CCNY: variants seen among roughly 807,000 people sequenced by gnomAD.
CCNY encodes cyclin-Y.
A neutral mutation model predicts 42.8 loss-of-function variants in CCNY; 19 were observed. That is an observed-to-expected ratio of 0.44 (90% confidence interval 0.31 to 0.65). The LOEUF is 0.65. Among genes scored for constraint, CCNY ranks in the 30% least tolerant of loss-of-function variants. The pLI, the probability that CCNY is intolerant of heterozygous loss-of-function variation, is 0.07. For missense variants in CCNY, 370 were observed against 437.3 expected, an observed-to-expected ratio of 0.85 and a Z score of 1.37; for synonymous variants, 165 against 162.7, an observed-to-expected ratio of 1.01 and a Z score of -0.11.
chr10:35,485,740 C>CAA (rs78533663), intron 2 of CCNY, among the ~76,000 whole-genome samples: 1 of 114,648 alleles, frequency 8.7e-6, no homozygotes, highest in African/African-American at 3.3e-5. Context: ...AAAAAAAAAA[C>CAA]AAAAAAAAAA....
intron 2 of CCNY, among the ~76,000 whole-genome samples, chr10:35,498,724 C>T (rs925943382): frequency 1.3e-5 from 2 of 152,142 alleles, no homozygotes; most frequent in Non-Finnish European, 2.9e-5. Flanking sequence ...AGAAGCAAGT[C>T]GGCCATAGAG....
upstream of CCNY, among the ~76,000 whole-genome samples, chr10:35,334,488 G>A (rs939713850): frequency 4.6e-5 from 7 of 152,154 alleles, no homozygotes; most frequent in South Asian, 2.1e-4. Context: ...ACACATGCAA[G>A]TGTAAATATG....
intron 1 of CCNY, among the ~76,000 whole-genome samples, chr10:35,438,306 G>A (rs1838585155): frequency 6.7e-6 from 1 of 149,730 alleles, no homozygotes; most frequent in East Asian, 2.0e-4. Context: ...ACACCACCAT[G>A]CCTGACTAAT....
intron 2 of CCNY, among the ~76,000 whole-genome samples, chr10:35,486,706 C>T (rs1839795319): frequency 6.6e-6 from 1 of 152,358 alleles, no homozygotes; most frequent in Non-Finnish European, 1.5e-5. Context: ...CCAGCCTCTG[C>T]CTTCCTTCCC....
chr10:35,337,334 C>G (rs868807946), intron 1 of CCNY, 127 bp downstream of exon 1: 3 of 1,009,912 alleles, frequency 3.0e-6, no homozygotes, highest in Non-Finnish European at 4.0e-6. Context: ...CGGGGCTTCG[C>G]CCGCGCAGCC....
rs1054579601 is a variant in CCNY at position 35,336,888 on chromosome 10, C to A, written c.-166C>A. On this transcript the variant is annotated 5_prime_UTR_variant, in exon 1 of 10. Coordinates refer to ENST00000374704, the MANE Select transcript of CCNY (RefSeq NM_145012.6). ...CGCCCATGGCGAGGCCCCGCCGCCG[C>A]CGCCGCTGCTGACCCGGCGGCCGGC... The A allele has an allele frequency of 3.8e-5, 8 of 213,066 alleles. No homozygotes were observed. The highest frequency in any genetic ancestry group is 6.0e-5 in the Non-Finnish European group (8 of 132,606). 13.2% of individuals were successfully genotyped at this position (213,066 alleles called of 1,614,324 possible). A position where few individuals can be genotyped will look rare whatever the true frequency, so the allele number is the denominator to read the frequency against.
At chr10:35,443,135 G>C (rs1207177651) in intron 1 of CCNY, among the ~76,000 whole-genome samples, 3 of 152,148 alleles carry the variant, frequency 2.0e-5, no homozygotes, top group African/African-American at 7.2e-5. Flanking sequence ...AGTTGCTCTG[G>C]GTGAGTTAGC....
intron 1 of CCNY, among the ~76,000 whole-genome samples, chr10:35,373,609 A>G (rs774922829): frequency 7.9e-5 from 12 of 152,092 alleles, no homozygotes; most frequent in Non-Finnish European, 1.6e-4. Flanking sequence ...CTTCTTCCTC[A>G]TCTTCCTTCA....
chr10:35,362,007 A>T (rs974065171), intron 1 of CCNY, among the ~76,000 whole-genome samples: 44 of 152,226 alleles, frequency 2.9e-4, no homozygotes, highest in African/African-American at 9.9e-4. Flanking sequence ...TGTTTCATGC[A>T]CAAAATAAAA....
At chr10:35,373,828 A>T (rs1041478806) in intron 1 of CCNY, among the ~76,000 whole-genome samples, 5 of 152,298 alleles carry the variant, frequency 3.3e-5, no homozygotes, top group African/African-American at 1.2e-4. Flanking sequence ...CTATTAGTTA[A>T]GTTTTTGGGG....
In CCNY at chr10:35,260,654, C is replaced by A. The variant is rs563115308; in HGVS notation, c.-9+10028C>A. 5.9e-5 allele frequency among the ~76,000 whole-genome samples: 9 copies of A among 152,302 alleles called. No homozygotes were observed. The South Asian group carries it at 1.9e-3, about 32-fold the overall frequency. On this transcript the variant is annotated intron_variant, in intron 3 of 11. Transcript: ENST00000374706. ...CATTTGATGTGGTTTAGAATAACTGCCCAGTTAACATTGCCAGGCAGGGAC... is the reference window on the plus strand; with the variant it reads ...CATTTGATGTGGTTTAGAATAACTGACCAGTTAACATTGCCAGGCAGGGAC...
intron 1 of CCNY, among the ~76,000 whole-genome samples, chr10:35,426,313 C>T (rs1838273394): frequency 6.6e-6 from 1 of 152,138 alleles, no homozygotes. Context: ...TCTCTGCAAA[C>T]ATGCTGTGTT....
At chr10:35,520,145 C>T (rs908834229) in intron 4 of CCNY, among the ~76,000 whole-genome samples, 7 of 152,140 alleles carry the variant, frequency 4.6e-5, no homozygotes, top group African/African-American at 7.2e-5. Context: ...GAATCCTTCC[C>T]TGGAAATACC....
intron 1 of CCNY, among the ~76,000 whole-genome samples, chr10:35,369,834 A>C (rs1425777774): frequency 1.3e-5 from 2 of 152,220 alleles, no homozygotes; most frequent in Non-Finnish European, 2.9e-5. Flanking sequence ...GAGGTGACCA[A>C]ATACCTTAAT....
At chr10:35,548,892 G>T (rs964884849) in intron 7 of CCNY, among the ~76,000 whole-genome samples, 1 of 152,096 alleles carries the variant, frequency 6.6e-6, no homozygotes, top group Admixed American at 6.5e-5. Flanking sequence ...TCAGTACAGT[G>T]CCCTGATCCA....
chr10:35,381,952 T>C (rs985818239), intron 1 of CCNY, among the ~76,000 whole-genome samples: 7 of 152,138 alleles, frequency 4.6e-5, no homozygotes, highest in African/African-American at 9.7e-5. Flanking sequence ...TTAAAACTTA[T>C]CACATTTAAG....
intron 1 of CCNY, among the ~76,000 whole-genome samples, chr10:35,411,511 T>G (rs1319658149): frequency 2.6e-5 from 1 of 38,124 alleles, no homozygotes; most frequent in Admixed American, 3.6e-4. Context: ...CAAGACTCTG[T>G]CAAAAAAAAA....
intron 7 of CCNY, among the ~76,000 whole-genome samples, chr10:35,550,014 G>A (rs7068185): frequency 3.5e-4 from 1 of 2,818 alleles, no homozygotes. Flanking sequence ...GTGACCCTGC[G>A]CTGCTCATGA....
intron 1 of CCNY, among the ~76,000 whole-genome samples, chr10:35,367,664 C>T (rs1443684214): frequency 6.6e-6 from 1 of 152,232 alleles, no homozygotes; most frequent in African/African-American, 2.4e-5. Context: ...AGCACACCTT[C>T]CTGCTGCTGC....
Sources: allele counts gnomAD v4.1 joint callset (sites outside exome capture counted in the v4.1 genomes callset), GRCh38; gene constraint gnomAD v4.1.1; transcripts MANE v1.5; gene names NCBI Gene and HGNC (gene_info 2026-07-23, HGNC 2026-07-21).